TOX3: variants seen among roughly 807,000 people sequenced by gnomAD.
TOX3 encodes TOX high mobility group box family member 3.
TOX3 carries 22 observed loss-of-function variants against 64.3 expected under a neutral mutation model. The observed-to-expected ratio is 0.34, with a 90% CI of 0.24 to 0.49. The LOEUF is 0.49. TOX3 is among the 20% of genes least tolerant of loss of function. The pLI, the probability that TOX3 is intolerant of heterozygous loss-of-function variation, is 0.99. For missense variants in TOX3, 661 were observed against 714.4 expected (o/e 0.93, Z 0.85); for synonymous variants, 291 against 273.6 (o/e 1.06, Z -0.63).
At chr16:52,516,996 C>T (rs1397116174) in intron 1 of TOX3, among the ~76,000 whole-genome samples, 2 of 152,138 alleles carry the variant, frequency 1.3e-5, no homozygotes, top group Non-Finnish European at 2.9e-5. Flanking sequence ...ACATCATGGA[C>T]ACTCAAATAT....
chr16:52,459,848 C>A (rs998463030), intron 3 of TOX3, among the ~76,000 whole-genome samples: 10 of 151,970 alleles, frequency 6.6e-5, no homozygotes, highest in South Asian at 2.1e-4. Flanking sequence ...GCATGAAAGT[C>A]ATTTTCTTAA....
At chr16:52,543,903 T>C (rs995382525) in intron 1 of TOX3, among the ~76,000 whole-genome samples, 1 of 152,198 alleles carries the variant, frequency 6.6e-6, no homozygotes, top group Non-Finnish European at 1.5e-5. Flanking sequence ...CAAAGGACTC[T>C]GGTCATTTGT....
At chr16:52,530,857 A>G (rs1962837077) in intron 1 of TOX3, among the ~76,000 whole-genome samples, 1 of 152,076 alleles carries the variant, frequency 6.6e-6, no homozygotes, top group South Asian at 2.1e-4. Flanking sequence ...TTGGACTTCC[A>G]CAAGCTTCAC....
At position 52,450,396 on chromosome 16, in the gene TOX3, C is replaced by T. The variant is rs1317193807; in HGVS notation, c.559G>A (p.Gly187Arg). The T allele has an allele frequency of 6.2e-7, 1 of 1,613,808 alleles. No homozygotes were observed. The highest frequency in any genetic ancestry group is 8.5e-7 in the Non-Finnish European group (1 of 1,179,874). The change falls in exon 4 of 7, where the codon GGG (glycine) becomes AGG (arginine). Residue 187 changes from glycine (G) to arginine (R), a missense_variant. Physicochemically the swap from Gly to Arg is moderately radical, Grantham distance 125. This residue lies in a region of TOX3 where 259 missense variants were observed against 261.2 expected (regional missense o/e 0.99). Transcript: ENST00000219746. ...ATACTGGCACCTCCCAAATTCAACCCCAACTGGGCGCTGAGCTGAGACTGG... is the reference window on the plus strand; with the variant it reads ...ATACTGGCACCTCCCAAATTCAACCTCAACTGGGCGCTGAGCTGAGACTGG... ...INQSQLSAQL[G>R]LNLGGASMPH... is the part of the protein sequence containing the mutation.
chr16:52,505,321 G>C (rs1050061170), intron 1 of TOX3, among the ~76,000 whole-genome samples: 2 of 152,128 alleles, frequency 1.3e-5, no homozygotes, highest in Non-Finnish European at 2.9e-5. Flanking sequence ...GCCACCAATA[G>C]CTCTAATTTT....
At chr16:52,539,369 A>C (rs912982240) in intron 1 of TOX3, among the ~76,000 whole-genome samples, 2 of 152,010 alleles carry the variant, frequency 1.3e-5, no homozygotes, top group South Asian at 4.1e-4. Context: ...CACATTCAAG[A>C]ATGTTTCCTT....
At chr16:52,502,700 C>CA (rs1272472534) in intron 1 of TOX3, among the ~76,000 whole-genome samples, 2 of 152,140 alleles carry the variant, frequency 1.3e-5, no homozygotes, top group African/African-American at 4.8e-5. Flanking sequence ...AAATTTTTGA[C>CA]ACCAACATAA....
At chr16:52,508,551 A>G (rs547593093) in intron 1 of TOX3, among the ~76,000 whole-genome samples, 1 of 152,212 alleles carries the variant, frequency 6.6e-6, no homozygotes, top group Non-Finnish European at 1.5e-5. Flanking sequence ...AATAAAATAT[A>G]TAACATCATT....
At chr16:52,531,040 C>A (rs1962842655) in intron 1 of TOX3, among the ~76,000 whole-genome samples, 1 of 152,030 alleles carries the variant, frequency 6.6e-6, no homozygotes, top group Non-Finnish European at 1.5e-5. Context: ...AGGATTGAGA[C>A]AAGATGTAAA....
At chr16:52,506,759 T>C (rs778488046) in intron 1 of TOX3, among the ~76,000 whole-genome samples, 1 of 152,188 alleles carries the variant, frequency 6.6e-6, no homozygotes, top group Admixed American at 6.5e-5. Flanking sequence ...ATAATTACAT[T>C]AAAGATTTAA....
intron 1 of TOX3, among the ~76,000 whole-genome samples, chr16:52,525,077 T>C (rs1301270715): frequency 6.6e-6 from 1 of 152,192 alleles, no homozygotes; most frequent in African/African-American, 2.4e-5. Context: ...AAAAAATAAA[T>C]TTGCAGGTCC....
upstream of TOX3, among the ~76,000 whole-genome samples, chr16:52,547,215 G>T (rs1408851696): frequency 1.4e-5 from 1 of 73,568 alleles, no homozygotes; most frequent in African/African-American, 5.1e-5. Flanking sequence ...CGCCGCCGCC[G>T]CTCCGCCCCT....
intron 1 of TOX3, among the ~76,000 whole-genome samples, chr16:52,483,971 T>C (rs1469594767): frequency 6.6e-6 from 1 of 152,186 alleles, no homozygotes; most frequent in Non-Finnish European, 1.5e-5. Flanking sequence ...CTATATACAA[T>C]GTTGCTTTGT....
chr16:52,501,405 C>T (rs1282702738), intron 1 of TOX3, among the ~76,000 whole-genome samples: 1 of 152,204 alleles, frequency 6.6e-6, no homozygotes, highest in Non-Finnish European at 1.5e-5. Context: ...AGCGTGGTGG[C>T]TCATGCCTGT....
In TOX3 at chr16:52,464,094, T is replaced by A; in HGVS notation, c.248A>T (p.Asp83Val). The stretch of plus-strand genomic sequence containing the variant: ...GAGGGCTTGAAAGGGTAGCAGTACA[T>A]CCGGCATGCCTAGGGCAGGGTCTGA... ...PESDPALGMP[D>V]VLLPFQALSD... The change falls in exon 3 of 7, where the codon GAT becomes GTT. Residue 83 changes from aspartate to valine, a missense_variant. Physicochemically the swap from Asp to Val is radical, Grantham distance 152. Transcript: ENST00000219746. 6.2e-7 allele frequency: 1 copy of A among 1,603,068 alleles called. No individual in the cohort carries two copies. Among genetic ancestry groups the A allele is most frequent in the South Asian group, 1.1e-5 (1 of 88,728 alleles).
chr16:52,527,069 G>C (rs1459270393), intron 1 of TOX3, among the ~76,000 whole-genome samples: 1 of 152,072 alleles, frequency 6.6e-6, no homozygotes, highest in African/African-American at 2.4e-5. Context: ...TTAAATCTCT[G>C]TGCACTCCAT....
At chr16:52,473,125 A>T (rs1291884558) in intron 1 of TOX3, among the ~76,000 whole-genome samples, 1 of 152,188 alleles carries the variant, frequency 6.6e-6, no homozygotes, top group Admixed American at 6.5e-5. Flanking sequence ...GAAGTGCCAA[A>T]GTAAATTAAT....
intron 4 of TOX3, among the ~76,000 whole-genome samples, chr16:52,446,424 C>G (rs761103641): frequency 6.6e-6 from 1 of 152,144 alleles, no homozygotes; most frequent in South Asian, 2.1e-4. Flanking sequence ...ATTAATGAGA[C>G]CCAGAAGTAT....
intron 1 of TOX3, among the ~76,000 whole-genome samples, chr16:52,544,950 G>T (rs1567359721): frequency 6.6e-6 from 1 of 152,144 alleles, no homozygotes; most frequent in Non-Finnish European, 1.5e-5. Context: ...CAAGGTAATG[G>T]CTTCCAAAAA....
Sources: allele counts gnomAD v4.1 joint callset (sites outside exome capture counted in the v4.1 genomes callset), GRCh38; gene constraint gnomAD v4.1.1; regional missense constraint gnomAD v4.1.1; transcripts MANE v1.5; gene names NCBI Gene and HGNC (gene_info 2026-07-23, HGNC 2026-07-21).